Variants in CNTN5 observed in about 807,000 individuals in gnomAD.
CNTN5 encodes the protein contactin-5.
CNTN5 carries 77 observed loss-of-function variants against 129.1 expected under a neutral mutation model. The ratio of observed to expected loss-of-function variants is 0.60; its 90% CI spans 0.50 to 0.72. CNTN5 has a LOEUF of 0.72. CNTN5 is among the 30% of genes least tolerant of loss of function. The pLI, the probability that CNTN5 is intolerant of heterozygous loss-of-function variation, is 0.00. For missense variants in CNTN5, 1,478 were observed against 1,328.8 expected (o/e 1.11, Z -1.75); for synonymous variants, 509 against 465.6 (o/e 1.09, Z -1.20).
intron 10 of CNTN5, among the ~76,000 whole-genome samples, chr11:100,063,818 T>A (rs532351321): frequency 6.6e-6 from 1 of 151,912 alleles, no homozygotes; most frequent in Admixed American, 6.6e-5. Context: ...ACCCAGAAAG[T>A]CAACGCTGCG....
rs994489575 is a variant in CNTN5, at chr11:100,357,048, A to G, written c.*828A>G. 1 of 151,762 alleles carries G rather than the reference A, an allele frequency of 6.6e-6. No homozygotes were observed. Among genetic ancestry groups the G allele is most frequent in the African/African-American group, 2.4e-5 (1 of 41,406 alleles). The allele number at this position is 151,762 out of a possible 1,614,324, so 9.4% of individuals were successfully genotyped here. ...ATGCTGGCATGGGTGCTAACTTAAA[A>G]ATGAGATGAATATGGGACAGAGCGT... On this transcript the variant is annotated 3_prime_UTR_variant, in exon 25 of 25. Coordinates refer to ENST00000524871, the MANE Select transcript of CNTN5 (RefSeq NM_014361.4).
At chr11:100,127,017 A>C (rs2138189701) in intron 13 of CNTN5, among the ~76,000 whole-genome samples, 1 of 151,666 alleles carries the variant, frequency 6.6e-6, no homozygotes, top group African/African-American at 2.4e-5. Context: ...CTTTTCAGGC[A>C]CAATGGATCT....
chr11:99,995,016 A>G (rs1565767725), intron 8 of CNTN5, among the ~76,000 whole-genome samples: 1 of 152,322 alleles, frequency 6.6e-6, no homozygotes, highest in Non-Finnish European at 1.5e-5. Flanking sequence ...AGAGAGAAGA[A>G]GTCGTTAAAC....
chr11:99,213,627 T>G (rs1859957405), intron 1 of CNTN5, among the ~76,000 whole-genome samples: 1 of 151,972 alleles, frequency 6.6e-6, no homozygotes, highest in African/African-American at 2.4e-5. Context: ...AATTTCATTA[T>G]TTAGTCAGGA....
intron 2 of CNTN5, among the ~76,000 whole-genome samples, chr11:99,441,596 T>G (rs1943830261): frequency 6.6e-6 from 1 of 152,172 alleles, no homozygotes; most frequent in Non-Finnish European, 1.5e-5. Context: ...CCTTCTTCCC[T>G]TTTTCATTGA....
intron 1 of CNTN5, among the ~76,000 whole-genome samples, chr11:99,200,582 C>T (rs12294106): frequency 0.26 from 39,986 of 152,118 alleles, 5,433 homozygotes; most frequent in East Asian, 0.46. Context: ...AACTTGCCCA[C>T]TGTATAGCTT....
At chr11:99,290,519 T>C (rs1864124839) in intron 1 of CNTN5, among the ~76,000 whole-genome samples, 1 of 151,836 alleles carries the variant, frequency 6.6e-6, no homozygotes, top group Admixed American at 6.6e-5. Context: ...AGAGGTGGTG[T>C]TTCATTTTTC....
chr11:100,031,025 G>C (rs1471787597), intron 9 of CNTN5, among the ~76,000 whole-genome samples: 1 of 152,070 alleles, frequency 6.6e-6, no homozygotes, highest in Non-Finnish European at 1.5e-5. Context: ...TAGTACCATT[G>C]CTCCCCTACA....
intron 3 of CNTN5, among the ~76,000 whole-genome samples, chr11:99,770,422 A>C (rs547124816): frequency 2.6e-5 from 4 of 152,200 alleles, no homozygotes; most frequent in African/African-American, 9.6e-5. Flanking sequence ...AAGCGTATAC[A>C]TGTGTGCATT....
chr11:100,239,754 C>A (rs189419664), intron 16 of CNTN5, among the ~76,000 whole-genome samples: 2 of 152,210 alleles, frequency 1.3e-5, no homozygotes, highest in African/African-American at 2.4e-5. Context: ...CATTCTAGGA[C>A]AAACATACAA....
At chr11:100,338,660 C>A (rs1161996570) in intron 21 of CNTN5, among the ~76,000 whole-genome samples, 2 of 152,130 alleles carry the variant, frequency 1.3e-5, no homozygotes, top group East Asian at 3.9e-4. Flanking sequence ...TGGGAGGGAG[C>A]ACATGAACAA....
intron 9 of CNTN5, among the ~76,000 whole-genome samples, chr11:100,031,314 GC>G (rs1941696133): frequency 6.6e-6 from 1 of 152,176 alleles, no homozygotes; most frequent in Non-Finnish European, 1.5e-5. Context: ...GCCAGAATGA[GC>G]CAACAGCGCA....
intron 1 of CNTN5, among the ~76,000 whole-genome samples, chr11:99,269,268 T>A (rs1024921217): frequency 1.3e-5 from 2 of 151,932 alleles, no homozygotes; most frequent in African/African-American, 4.8e-5. Context: ...TATTATCTCC[T>A]GTGTTATATT....
At chr11:99,207,121 TG>T (rs1379347031) in intron 1 of CNTN5, among the ~76,000 whole-genome samples, 1 of 152,148 alleles carries the variant, frequency 6.6e-6, no homozygotes, top group Non-Finnish European at 1.5e-5. Context: ...AATTTATAAG[TG>T]GTATTAAAAT....
intron 1 of CNTN5, among the ~76,000 whole-genome samples, chr11:99,102,436 C>T (rs1237156110): frequency 6.6e-6 from 1 of 152,064 alleles, no homozygotes; most frequent in East Asian, 1.9e-4. Context: ...TTCAAACTTG[C>T]TGTGTTTCCC....
At chr11:99,801,548 CCTTTT>C (rs1459127184) in intron 3 of CNTN5, among the ~76,000 whole-genome samples, 1 of 152,098 alleles carries the variant, frequency 6.6e-6, no homozygotes, top group Non-Finnish European at 1.5e-5. Context: ...TACATTTTCT[CCTTTT>C]CTTTCAGGAA....
At position 99,159,574 on chromosome 11, in the gene CNTN5, A is replaced by C. The variant is rs184093525; in HGVS notation, c.-210+138304A>C. 2.2e-3 allele frequency among the ~76,000 whole-genome samples: 335 copies of C among 152,326 alleles called. 3 individuals are homozygous for C. The highest frequency in any genetic ancestry group is 1.5e-3 in the Non-Finnish European group (102 of 68,026). Reference sequence around the variant, plus strand: ...GAGGTGGAGGTTGCAGTGAGCCGAGATTGCACCACTGCACTCCAGCCTGGG... The same window carrying C: ...GAGGTGGAGGTTGCAGTGAGCCGAGCTTGCACCACTGCACTCCAGCCTGGG... On this transcript the variant is annotated intron_variant, in intron 1 of 24. Coordinates refer to ENST00000524871, the MANE Select transcript of CNTN5 (RefSeq NM_014361.4).
chr11:99,119,702 G>T (rs1396494951), intron 1 of CNTN5, among the ~76,000 whole-genome samples: 1 of 151,982 alleles, frequency 6.6e-6, no homozygotes, highest in Non-Finnish European at 1.5e-5. Flanking sequence ...AGATCTTTGA[G>T]GAATCGCCAC....
At chr11:99,207,572 C>A (rs1565403298) in intron 1 of CNTN5, among the ~76,000 whole-genome samples, 1 of 152,098 alleles carries the variant, frequency 6.6e-6, no homozygotes, top group Non-Finnish European at 1.5e-5. Flanking sequence ...TTGTTTTTTT[C>A]CTTTGGTTTT....
Sources: allele counts gnomAD v4.1 joint callset (sites outside exome capture counted in the v4.1 genomes callset), GRCh38; gene constraint gnomAD v4.1.1; transcripts MANE v1.5; gene names NCBI Gene and HGNC (gene_info 2026-07-23, HGNC 2026-07-21).